Variants in USF3 observed in about 807,000 individuals in gnomAD.
USF3 encodes the protein basic helix-loop-helix domain-containing protein USF3.
A neutral mutation model predicts 157.5 loss-of-function variants in USF3; 29 were observed. That is an observed-to-expected ratio of 0.18 (90% confidence interval 0.14 to 0.25). The LOEUF (loss-of-function observed/expected upper bound fraction) is 0.25, where lower values mean the gene tolerates loss of function less well. Ranked by LOEUF, USF3 falls within the 10% of genes least tolerant of loss-of-function variation. The pLI is 1.00. For missense variants in USF3, 2,381 were observed against 2,667.6 expected (o/e 0.89, Z 2.37); for synonymous variants, 893 against 941.4 (o/e 0.95, Z 0.94).
At chr3:113,692,464 G>A (rs1293608432) in intron 1 of USF3, among the ~76,000 whole-genome samples, 1 of 152,036 alleles carries the variant, frequency 6.6e-6, no homozygotes, top group Non-Finnish European at 1.5e-5. Context: ...CTCAGTAACT[G>A]AGTAATAAAT....
rs372440250 is a variant in USF3 at position 113,693,069 on chromosome 3, T to C, written c.-135+3301A>G. On this transcript the variant is annotated intron_variant, in intron 1 of 6. Coordinates refer to ENST00000316407, the MANE Select transcript of USF3 (RefSeq NM_001009899.4). ...GAGTATAGGACATAAAAATATTTAA[T>C]AGCAAAATCAATTAATGCCAAATCA... is the stretch of plus-strand genomic sequence containing the variant. 2.2e-4 allele frequency among the ~76,000 whole-genome samples: 33 copies of C among 152,350 alleles called. 1 individual carries two copies. The highest frequency in any genetic ancestry group is 1.4e-3 in the Admixed American group (22 of 15,304).
intron 1 of USF3, among the ~76,000 whole-genome samples, chr3:113,683,970 C>A (rs1459720896): frequency 6.6e-6 from 1 of 152,152 alleles, no homozygotes; most frequent in South Asian, 2.1e-4. Context: ...CAGACAATTT[C>A]TTATTACTTG....
chr3:113,675,236 T>C (rs1360888722), intron 2 of USF3, among the ~76,000 whole-genome samples: 4 of 152,204 alleles, frequency 2.6e-5, no homozygotes, highest in African/African-American at 9.7e-5. Flanking sequence ...TAGAGCATAG[T>C]TGAGTTGGGA....
chr3:113,657,510 T>C lies in USF3; in HGVS notation c.4172A>G (p.Asn1391Ser), dbSNP rs1030568742. Reference sequence around the variant, plus strand: ...TGTAAGGCCATCTCCATGAGCTGGGTTGCTAACAGGCACAACTGAGTTTGA... The same window carrying C: ...TGTAAGGCCATCTCCATGAGCTGGGCTGCTAACAGGCACAACTGAGTTTGA... Reference protein sequence around the residue: ...NSSNSVVPVSNPAHGDGLTRL... With the variant: ...NSSNSVVPVSSPAHGDGLTRL... The change falls in exon 7 of 7, where the codon AAC (asparagine) becomes AGC (serine). Residue 1391 changes from asparagine (N) to serine (S), a missense_variant. Asn to Ser is a conservative substitution (Grantham distance 46). This residue lies in a region of USF3 where 1,435 missense variants were observed against 1,550.9 expected (regional missense o/e 0.93). Coordinates refer to ENST00000316407, the MANE Select transcript of USF3 (RefSeq NM_001009899.4). 18 of 1,613,992 alleles carry C rather than the reference T, an allele frequency of 1.1e-5. No homozygotes were observed. The highest frequency in any genetic ancestry group is 1.7e-5 in the Admixed American group (1 of 59,976).
chr3:113,683,401 C>T (rs1337733077), intron 1 of USF3, among the ~76,000 whole-genome samples: 4 of 144,874 alleles, frequency 2.8e-5, no homozygotes, highest in Non-Finnish European at 6.0e-5. Flanking sequence ...TAAGAGTAAA[C>T]AGAAAATCTC....
At chr3:113,693,673 T>C (rs185480936) in intron 1 of USF3, among the ~76,000 whole-genome samples, 1 of 152,244 alleles carries the variant, frequency 6.6e-6, no homozygotes, top group East Asian at 1.9e-4. Flanking sequence ...ATGAAACACA[T>C]ACACATAGAA....
intron 1 of USF3, among the ~76,000 whole-genome samples, chr3:113,695,749 C>A (rs1227533705): frequency 6.6e-6 from 1 of 152,156 alleles, no homozygotes; most frequent in Non-Finnish European, 1.5e-5. Flanking sequence ...AAATTGTAAA[C>A]ATGAACAAGA....
In USF3 at chr3:113,653,747, C is replaced by T. The variant is rs1368570328; in HGVS notation, c.*1197G>A. On this transcript the variant is annotated 3_prime_UTR_variant, in exon 7 of 7. Coordinates refer to ENST00000316407, the MANE Select transcript of USF3 (RefSeq NM_001009899.4). ...ACTTTAAAATATGTGTACACACACA[C>T]ACACATACTTACACACACAGAGACA... 6.6e-6 allele frequency: 1 copy of T among 151,916 alleles called. No homozygotes were observed. The highest frequency in any genetic ancestry group is 1.9e-4 in the East Asian group (1 of 5,184). 9.4% of individuals were successfully genotyped at this position (151,916 alleles called of 1,614,324 possible).
chr3:113,670,576 C>A (rs1010986932), intron 4 of USF3, among the ~76,000 whole-genome samples: 1 of 150,358 alleles, frequency 6.7e-6, no homozygotes, highest in African/African-American at 2.5e-5. Flanking sequence ...CTCCACCCTG[C>A]GTGACAGAAC....
In USF3 at chr3:113,659,391, T is replaced by C. The variant is rs1348272750; in HGVS notation, c.2291A>G (p.Asp764Gly). 2 of 1,614,258 alleles carry C rather than the reference T, an allele frequency of 1.2e-6. No individual in the cohort carries two copies. The highest frequency in any genetic ancestry group is 8.5e-7 in the Non-Finnish European group (1 of 1,180,042). Reference protein sequence around the residue: ...TTTAAPPVTTDSSATLASTYN... With the variant: ...TTTAAPPVTTGSSATLASTYN... ...AGTACTAGCTAGTGTGGCTGAACTATCTGTTGTCACAGGAGGTGCTGCAGT... is the reference window on the plus strand; with the variant it reads ...AGTACTAGCTAGTGTGGCTGAACTACCTGTTGTCACAGGAGGTGCTGCAGT... Residue 764 changes from aspartate (D) to glycine (G), a missense_variant, in exon 7 of 7, where the codon GAT becomes GGT. Asp to Gly is a moderately conservative substitution (Grantham distance 94). Coordinates refer to ENST00000316407, the MANE Select transcript of USF3 (RefSeq NM_001009899.4).
intron 1 of USF3, among the ~76,000 whole-genome samples, chr3:113,686,623 T>C (rs1446811816): frequency 3.3e-5 from 5 of 152,214 alleles, no homozygotes; most frequent in Non-Finnish European, 5.9e-5. Flanking sequence ...ATAGTAGTTC[T>C]GCAGCATGGG....
rs1398095529 is a variant in USF3, at chr3:113,654,075, G to C, written c.*869C>G. 6.6e-6 allele frequency: 1 copy of C among 152,456 alleles called. No homozygotes were observed. The highest frequency in any genetic ancestry group is 2.4e-5 in the African/African-American group (1 of 41,442). 9.4% of individuals were successfully genotyped at this position (152,456 alleles called of 1,614,324 possible). ...CAAGACCAAATAAATAGAATGAAGAGAGAATACTAAATTAAACTCAGCTGA... is the reference window on the plus strand; with the variant it reads ...CAAGACCAAATAAATAGAATGAAGACAGAATACTAAATTAAACTCAGCTGA... On this transcript the variant is annotated 3_prime_UTR_variant, in exon 7 of 7. Coordinates refer to ENST00000316407, the MANE Select transcript of USF3 (RefSeq NM_001009899.4).
chr3:113,685,976 G>A (rs2107958671), intron 1 of USF3, among the ~76,000 whole-genome samples: 1 of 152,286 alleles, frequency 6.6e-6, no homozygotes, highest in South Asian at 2.1e-4. Context: ...GAGTGGTGAT[G>A]CAAGCACTCC....
rs1266464109 is a variant in USF3 at position 113,652,108 on chromosome 3, A to AGAGAGAGAGTGTGT, written c.*2835_*2836insACACACTCTCTCTC. The AGAGAGAGAGTGTGT allele has an allele frequency of 1.7e-3, 242 of 142,062 alleles. 1 individual carries two copies. The highest frequency in any genetic ancestry group is 6.2e-3 in the African/African-American group (236 of 38,364). 8.8% of individuals were successfully genotyped at this position (142,062 alleles called of 1,614,324 possible). A position where few individuals can be genotyped will look rare whatever the true frequency, so the allele number is the denominator to read the frequency against. ...TGGAGAGAGAGAGAGAGAGAGAGAG[A>AGAGAGAGAGTGTGT]GTGTGTGTGTGTGTGTGTGTGTGTG... On this transcript the variant is annotated 3_prime_UTR_variant, in exon 7 of 7. Coordinates refer to ENST00000316407, the MANE Select transcript of USF3 (RefSeq NM_001009899.4).
chr3:113,657,294 TGCTG>T lies in USF3; in HGVS notation c.4384_4387del (p.Gln1462SerfsTer20). The T allele has an allele frequency of 6.7e-7, 1 of 1,486,102 alleles. No homozygotes were observed. The highest frequency in any genetic ancestry group is 9.3e-7 in the Non-Finnish European group (1 of 1,080,968). 92.1% of individuals were successfully genotyped at this position (1,486,102 alleles called of 1,614,324 possible). A position where few individuals can be genotyped will look rare whatever the true frequency, so the allele number is the denominator to read the frequency against. The stretch of plus-strand genomic sequence containing the variant: ...CTGCTGCTGCTGCTGCTGCTGCTGC[TGCTG>T]CTTTATGTAGAGATGGTTACTATGA... On this transcript the variant is annotated frameshift_variant, in exon 7 of 7. Coordinates refer to ENST00000316407, the MANE Select transcript of USF3 (RefSeq NM_001009899.4). LOFTEE classifies it high-confidence loss of function.
At chr3:113,684,248 A>AT (rs1559723767) in intron 1 of USF3, among the ~76,000 whole-genome samples, 1 of 150,852 alleles carries the variant, frequency 6.6e-6, no homozygotes, top group Non-Finnish European at 1.5e-5. Flanking sequence ...TTTATATCTC[A>AT]TTTTTTTTCT....
In USF3 at chr3:113,665,147, G is replaced by C. The variant is rs115881435; in HGVS notation, c.160-738C>G. On this transcript the variant is annotated intron_variant, in intron 5 of 6. Coordinates refer to ENST00000316407, the MANE Select transcript of USF3 (RefSeq NM_001009899.4). The stretch of plus-strand genomic sequence containing the variant: ...ACTGGAAGGAAGTGAAAGGAAGCAG[G>C]CCCTGCAGATATATGGGAAAAGGGA... 3.9e-3 allele frequency among the ~76,000 whole-genome samples: 588 copies of C among 152,298 alleles called. 4 individuals carry two copies. The highest frequency in any genetic ancestry group is 0.013 in the African/African-American group (559 of 41,560).
At chr3:113,679,795 T>C (rs73226528) in intron 1 of USF3, among the ~76,000 whole-genome samples, 22,095 of 152,146 alleles carry the variant, frequency 0.15, 2,150 homozygotes, top group Non-Finnish European at 0.2. Context: ...TTTTTCACCA[T>C]AGAACTTCAT....
intron 6 of USF3, among the ~76,000 whole-genome samples, chr3:113,662,240 C>T (rs1947498152): frequency 6.6e-6 from 1 of 152,188 alleles, no homozygotes; most frequent in East Asian, 1.9e-4. Flanking sequence ...CAAAGTGGCA[C>T]CAAAGTGCAC....
Sources: allele counts gnomAD v4.1 joint callset (sites outside exome capture counted in the v4.1 genomes callset), GRCh38; gene constraint gnomAD v4.1.1; regional missense constraint gnomAD v4.1.1; transcripts MANE v1.5; gene names NCBI Gene and HGNC (gene_info 2026-07-23, HGNC 2026-07-21).